Variants in TDRP observed in about 807,000 individuals in gnomAD.
The protein encoded by TDRP is testis development related protein, also known as testis development-related protein.
TDRP carries 12 observed loss-of-function variants against 10.5 expected under a neutral mutation model. The observed-to-expected ratio is 1.15, with a 90% confidence interval of 0.73 to 1.86. The LOEUF is 1.86. Among genes scored for constraint, TDRP ranks in the 40% most tolerant of loss-of-function variants. The pLI, the probability that TDRP is intolerant of heterozygous loss-of-function variation, is 0.00. For synonymous variants in TDRP, 139 were observed against 95.4 expected (o/e 1.46, Z -2.67); for missense variants, 353 against 229.2 (o/e 1.54, Z -3.49).
chr8:496,499 G>C (rs1801139853), intron 1 of TDRP, among the ~76,000 whole-genome samples: 1 of 152,172 alleles, frequency 6.6e-6, no homozygotes, highest in African/African-American at 2.4e-5. Context: ...GGGGAACTTA[G>C]CTCACACAAA....
At chr8:525,743 C>T (rs561906722) in intron 1 of TDRP, among the ~76,000 whole-genome samples, 10 of 151,808 alleles carry the variant, frequency 6.6e-5, no homozygotes, top group Middle Eastern at 3.4e-3. Flanking sequence ...AAATCACCGA[C>T]GGGAAGGAAG....
At chr8:520,104 G>A (rs1469236551) in intron 1 of TDRP, among the ~76,000 whole-genome samples, 1 of 152,222 alleles carries the variant, frequency 6.6e-6, no homozygotes, top group Non-Finnish European at 1.5e-5. Flanking sequence ...CCTGTGGTTG[G>A]GGAGAAAAGT....
chr8:517,307 C>G (rs1230029128), intron 1 of TDRP, among the ~76,000 whole-genome samples: 1 of 152,226 alleles, frequency 6.6e-6, no homozygotes, highest in East Asian at 1.9e-4. Context: ...GCCCAGCTGT[C>G]TCTTGTGGGG....
At chr8:543,112 T>C (rs765827735) in intron 1 of TDRP, among the ~76,000 whole-genome samples, 17 of 152,118 alleles carry the variant, frequency 1.1e-4, no homozygotes, top group Non-Finnish European at 1.9e-4. Context: ...GTTTCAGATC[T>C]GCCTGGACAA....
At chr8:526,144 G>C (rs1379149876) in intron 1 of TDRP, among the ~76,000 whole-genome samples, 3 of 152,070 alleles carry the variant, frequency 2.0e-5, no homozygotes, top group African/African-American at 2.4e-5. Context: ...TGCAGTATTT[G>C]TTGTAGCCAT....
chr8:494,735 G>T, intron 1 of TDRP, 138 bp from the exon 2 acceptor site: 1 of 710,094 alleles, frequency 1.4e-6, no homozygotes, highest in African/African-American at 1.8e-5. Context: ...ATACCTGTGC[G>T]CACATAGTTT....
At chr8:511,415 G>T (rs1010743545) in intron 1 of TDRP, among the ~76,000 whole-genome samples, 3 of 151,996 alleles carry the variant, frequency 2.0e-5, no homozygotes, top group African/African-American at 7.2e-5. Context: ...CCATCAGGAA[G>T]ATATAACAAT....
rs954883894 is a variant in TDRP, at chr8:531,103, G to C, written c.108+13547C>G. 6.6e-5 allele frequency among the ~76,000 whole-genome samples: 10 copies of C among 152,168 alleles called. 1 individual carries two copies. The highest frequency in any genetic ancestry group is 2.4e-4 in the African/African-American group (10 of 41,434). On this transcript the variant is annotated intron_variant, in intron 1 of 2. Transcript: ENST00000324079. Reference sequence around the variant, plus strand: ...CTTTCTTCACTTTCTACCCAGCAGAGAGTTGGGTGTTTACTACCAATCATG... The same window carrying C: ...CTTTCTTCACTTTCTACCCAGCAGACAGTTGGGTGTTTACTACCAATCATG...
intron 1 of TDRP, among the ~76,000 whole-genome samples, chr8:541,344 C>G (rs1390185678): frequency 1.3e-5 from 2 of 152,134 alleles, no homozygotes; most frequent in Non-Finnish European, 2.9e-5. Flanking sequence ...CTGGGAAAAC[C>G]TTGGGTACAG....
chr8:517,924 T>TA (rs1801799638), intron 1 of TDRP, among the ~76,000 whole-genome samples: 2 of 152,102 alleles, frequency 1.3e-5, no homozygotes, highest in Admixed American at 1.3e-4. Context: ...ATGGAGACAG[T>TA]AAAAAGATCC....
At chr8:515,957 A>G (rs959984834) in intron 1 of TDRP, among the ~76,000 whole-genome samples, 6 of 152,208 alleles carry the variant, frequency 3.9e-5, no homozygotes, top group Non-Finnish European at 5.9e-5. Flanking sequence ...AGACAATAGA[A>G]AAAGAAATGC....
chr8:518,825 A>G (rs1801823222), intron 1 of TDRP, among the ~76,000 whole-genome samples: 1 of 152,210 alleles, frequency 6.6e-6, no homozygotes, highest in Non-Finnish European at 1.5e-5. Context: ...TTTGAAATTC[A>G]TACAAATTTA....
chr8:541,185 AAATT>A (rs1802486427), intron 1 of TDRP, among the ~76,000 whole-genome samples: 1 of 152,238 alleles, frequency 6.6e-6, no homozygotes, highest in Non-Finnish European at 1.5e-5. Flanking sequence ...CCTCTTGAAG[AAATT>A]AACTAAATTT....
chr8:521,659 A>T (rs1003460393), intron 1 of TDRP, among the ~76,000 whole-genome samples: 1 of 152,160 alleles, frequency 6.6e-6, no homozygotes, highest in Admixed American at 6.5e-5. Context: ...TTCAAGTTGG[A>T]AAGTGTGAGG....
intron 1 of TDRP, among the ~76,000 whole-genome samples, chr8:529,178 C>T (rs1802117009): frequency 6.6e-6 from 1 of 152,190 alleles, no homozygotes; most frequent in Admixed American, 6.5e-5. Flanking sequence ...CCTTTGGCAA[C>T]ACCCTCATAG....
chr8:492,299 G>C lies in TDRP; in HGVS notation c.*100C>G, dbSNP rs1800999378. 1 of 1,356,966 alleles carries C rather than the reference G, an allele frequency of 7.4e-7. No homozygotes were observed. Among genetic ancestry groups the C allele is most frequent in the Non-Finnish European group, 9.5e-7 (1 of 1,052,738 alleles). 84.1% of individuals were successfully genotyped at this position (1,356,966 alleles called of 1,614,324 possible). On this transcript the variant is annotated 3_prime_UTR_variant, in exon 3 of 3. Coordinates refer to ENST00000324079, the MANE Select transcript of TDRP (RefSeq NM_001384899.1). ...TCCAAATATCAAATATAGGCAAAAA[G>C]TAGACTCTCTATTCTTTCTAACGCG...
intron 1 of TDRP, among the ~76,000 whole-genome samples, chr8:504,712 C>T (rs1248036636): frequency 6.6e-6 from 1 of 152,284 alleles, no homozygotes; most frequent in African/African-American, 2.4e-5. Flanking sequence ...ACAGACTTTG[C>T]CATTTATTTC....
chr8:494,467 T>A (rs752661556), intron 2 of TDRP, 27 bp downstream of exon 2: 1 of 1,602,170 alleles, frequency 6.2e-7, no homozygotes, highest in Non-Finnish European at 8.6e-7. Flanking sequence ...CCTGAAATGA[T>A]CATTTTCTTA....
intron 1 of TDRP, among the ~76,000 whole-genome samples, chr8:543,889 C>G (rs889305931): frequency 3.3e-5 from 4 of 121,418 alleles, no homozygotes; most frequent in African/African-American, 1.3e-4. Flanking sequence ...ACCTAAATTT[C>G]ATTGTACATG....
Sources: allele counts gnomAD v4.1 joint callset (sites outside exome capture counted in the v4.1 genomes callset), GRCh38; gene constraint gnomAD v4.1.1; transcripts MANE v1.5; gene names NCBI Gene and HGNC (gene_info 2026-07-23, HGNC 2026-07-21).